ESRRG: variants seen among roughly 807,000 people sequenced by gnomAD.
ESRRG encodes the protein estrogen related receptor gamma, also known as estrogen-related receptor gamma.
In ESRRG, 13 loss-of-function variants were observed where a neutral mutation model predicts 44.0. The ratio of observed to expected loss-of-function variants is 0.30; its 90% CI spans 0.19 to 0.47. The LOEUF (loss-of-function observed/expected upper bound fraction) is 0.47. Among genes scored for constraint, ESRRG ranks in the 20% least tolerant of loss-of-function variants. The probability of loss-of-function intolerance (pLI) is 1.00; values close to 1 mark genes in which losing one functional copy is unlikely to be tolerated. For synonymous variants in ESRRG, 215 were observed against 214.6 expected, an observed-to-expected ratio of 1.00 and a Z score of -0.02; for missense variants, 395 against 580.6, an observed-to-expected ratio of 0.68 and a Z score of 3.29.
intron 1 of ESRRG, among the ~76,000 whole-genome samples, chr1:217,040,268 T>C (rs1030911776): frequency 2.0e-5 from 3 of 152,168 alleles, no homozygotes; most frequent in African/African-American, 7.2e-5. Context: ...AAAAAGTCAC[T>C]AGGCTGGTGA....
chr1:217,085,314 TA>T (rs886516519), intron 1 of ESRRG, among the ~76,000 whole-genome samples: 1 of 152,124 alleles, frequency 6.6e-6, no homozygotes, highest in Non-Finnish European at 1.5e-5. Flanking sequence ...AAAGCTGTGT[TA>T]CTTTCTGCAA....
intron 1 of ESRRG, among the ~76,000 whole-genome samples, chr1:217,066,804 C>T (rs144647183): frequency 1.1e-4 from 16 of 152,272 alleles, no homozygotes; most frequent in Non-Finnish European, 2.1e-4. Flanking sequence ...AATCCCAAAT[C>T]TCTCCAGACA....
intron 2 of ESRRG, among the ~76,000 whole-genome samples, chr1:216,919,078 C>G (rs1459830004): frequency 6.6e-6 from 1 of 151,916 alleles, no homozygotes; most frequent in Non-Finnish European, 1.5e-5. Context: ...GAATGTAAAC[C>G]TGTATAAATT....
chr1:216,652,976 G>T (rs1351889950), intron 2 of ESRRG, among the ~76,000 whole-genome samples: 1 of 149,106 alleles, frequency 6.7e-6, no homozygotes, highest in Non-Finnish European at 1.5e-5. Flanking sequence ...CAGAAAGAAA[G>T]AAAAAAAAAA....
At chr1:217,031,863 G>A (rs12027628) in intron 1 of ESRRG, among the ~76,000 whole-genome samples, 28,237 of 152,100 alleles carry the variant, frequency 0.19, 2,867 homozygotes, top group East Asian at 0.45. Context: ...CACCATGATT[G>A]GAAGTTTCCT....
intron 1 of ESRRG, among the ~76,000 whole-genome samples, chr1:216,984,047 AT>A (rs34161434): frequency 0.17 from 22,842 of 133,680 alleles, 2,441 homozygotes; most frequent in Admixed American, 0.29. Context: ...GATAATAAGA[AT>A]GGGGGGGGGT....
intron 2 of ESRRG, among the ~76,000 whole-genome samples, chr1:216,914,256 G>A (rs1317403310): frequency 6.6e-6 from 1 of 152,080 alleles, no homozygotes; most frequent in Non-Finnish European, 1.5e-5. Flanking sequence ...TATTTGTAAT[G>A]TTTCCTGAAG....
chr1:217,009,418 A>G (rs2078218525), intron 1 of ESRRG, among the ~76,000 whole-genome samples: 2 of 152,220 alleles, frequency 1.3e-5, no homozygotes, highest in Non-Finnish European at 2.9e-5. Flanking sequence ...TCCAAAAGAC[A>G]CAGAGGGACA....
At chr1:216,797,661 G>C (rs1284500157) in intron 2 of ESRRG, among the ~76,000 whole-genome samples, 11 of 152,078 alleles carry the variant, frequency 7.2e-5, no homozygotes, top group Non-Finnish European at 1.6e-4. Context: ...TGTTTTTTGG[G>C]ATCAGACAGG....
At chr1:216,854,353 CAAAAAAAAAAAAA>C (rs57421256) in intron 2 of ESRRG, among the ~76,000 whole-genome samples, 3 of 67,100 alleles carry the variant, frequency 4.5e-5, no homozygotes, top group African/African-American at 5.9e-5. Flanking sequence ...AAGACACCAT[CAAAAAAAAAAAAA>C]AAAAAAAAAA....
chr1:216,735,987 A>AAAAATAT (rs1453476198), intron 2 of ESRRG, among the ~76,000 whole-genome samples: 5 of 137,120 alleles, frequency 3.6e-5, no homozygotes, highest in African/African-American at 1.1e-4. Flanking sequence ...CTCAAAAAAA[A>AAAAATAT]ATATATATAT....
chr1:216,880,494 G>T (rs1481715263), intron 2 of ESRRG, among the ~76,000 whole-genome samples: 3 of 151,794 alleles, frequency 2.0e-5, no homozygotes, highest in African/African-American at 7.3e-5. Context: ...CATCATTAAG[G>T]CAGCCACCCA....
intron 2 of ESRRG, among the ~76,000 whole-genome samples, chr1:216,875,913 T>A (rs1350890675): frequency 1.3e-5 from 2 of 152,126 alleles, no homozygotes; most frequent in African/African-American, 2.4e-5. Context: ...AGGTATTTTT[T>A]AAGACACAAA....
At chr1:216,568,151 CAATCA>C (rs2060016969) in intron 3 of ESRRG, 53 bp from the exon 4 acceptor site, 3 of 1,204,206 alleles carry the variant, frequency 2.5e-6, no homozygotes, top group Non-Finnish European at 3.7e-6. Flanking sequence ...TGTTTGAGAC[CAATCA>C]AATACCTAGA....
chr1:216,712,338 G>A (rs1343923899), intron 1 of ESRRG, among the ~76,000 whole-genome samples: 2 of 152,188 alleles, frequency 1.3e-5, no homozygotes, highest in Non-Finnish European at 2.9e-5. Context: ...GAATATGATA[G>A]AAAATCTTAT....
intron 2 of ESRRG, among the ~76,000 whole-genome samples, chr1:216,912,263 G>GGGA (rs2060555516): frequency 2.0e-5 from 1 of 51,262 alleles, no homozygotes; most frequent in Non-Finnish European, 4.7e-5. Context: ...GAGGAGAGGA[G>GGGA]AGGGGAGGGG....
chr1:216,987,086 A>G (rs1422534809), intron 1 of ESRRG, among the ~76,000 whole-genome samples: 1 of 152,254 alleles, frequency 6.6e-6, no homozygotes, highest in Non-Finnish European at 1.5e-5. Context: ...TATTTTACAG[A>G]GGAGTGCCAG....
In ESRRG at chr1:216,507,094, T is replaced by C. The variant is rs1195535339; in HGVS notation, c.1222A>G (p.Met408Val). The C allele has an allele frequency of 3.7e-6, 6 of 1,614,086 alleles. No homozygotes were observed. In the African/African-American group the frequency reaches 6.7e-5, roughly 18 times the overall value. The change falls in exon 7 of 7, where the codon ATG becomes GTG. Residue 408 changes from methionine to valine, a missense_variant. Physicochemically the swap from Met to Val is conservative, Grantham distance 21. Coordinates refer to ENST00000408911, the MANE Select transcript of ESRRG (RefSeq NM_001438.4). ...ALQDYEAGQH[M>V]EDPRRAGKML... ...TTGCCAGCTCGACGAGGGTCTTCCA[T>C]GTGCTGGCCAGCTTCATAATCCTGC...
chr1:217,125,675 A>G (rs1317137833), intron 1 of ESRRG, among the ~76,000 whole-genome samples: 1 of 152,220 alleles, frequency 6.6e-6, no homozygotes, highest in Non-Finnish European at 1.5e-5. Flanking sequence ...TATCTATGGA[A>G]CACCTCAAGT....
Sources: gnomAD v4.1 joint callset for allele counts (sites outside exome capture counted in the v4.1 genomes callset) on GRCh38, gnomAD v4.1.1 for gene constraint, MANE v1.5 for transcripts, NCBI Gene and HGNC (gene_info 2026-07-23, HGNC 2026-07-21) for gene names.